ABCG5: variants seen among roughly 807,000 people sequenced by gnomAD.
The protein encoded by ABCG5 is ATP-binding cassette sub-family G member 5.
Under a neutral mutation model 64.5 loss-of-function variants are expected in ABCG5, and 64 were observed. The ratio of observed to expected loss-of-function variants is 0.99; its 90% CI spans 0.81 to 1.22. The LOEUF (loss-of-function observed/expected upper bound fraction) is 1.22. ABCG5 is among the 50% of genes most tolerant of loss of function. The probability of loss-of-function intolerance (pLI) is 0.00; values close to 1 mark genes in which losing one functional copy is unlikely to be tolerated. For missense variants in ABCG5, 908 were observed against 829.5 expected (o/e 1.09, Z -1.16); for synonymous variants, 385 against 326.3 (o/e 1.18, Z -1.94).
chr2:43,809,627 A>G (rs1321596288), downstream of ABCG5: 3 of 931,116 alleles, frequency 3.2e-6, no homozygotes, highest in Non-Finnish European at 5.1e-6. Context: ...TATCTAAAAA[A>G]TGAGAAGGCA....
At chr2:43,808,130 A>G (rs1483688567), downstream of ABCG5, among the ~76,000 whole-genome samples, 1 of 152,204 alleles carries the variant, frequency 6.6e-6, no homozygotes, top group African/African-American at 2.4e-5. Context: ...TTATGAGTTA[A>G]TCTTTAAAAC....
Position 43,826,462 on chromosome 2 carries a change from C to T in ABCG5, c.694G>A (p.Val232Ile), listed in dbSNP as rs141997221. The T allele has an allele frequency of 5.6e-6, 9 of 1,614,058 alleles. No individual in the cohort carries two copies. The African/African-American group carries it at 1.2e-4, about 22-fold the overall frequency. Reference sequence around the variant, plus strand: ...CGAGCCAGTTCCACCAGGAGGACGACAATCTGATTAGCAGTCATGCAGTCC... The same window carrying T: ...CGAGCCAGTTCCACCAGGAGGACGATAATCTGATTAGCAGTCATGCAGTCC... ...GLDCMTANQI[V>I]VLLVELARRN... The change falls in exon 6 of 13, where the codon GTC becomes ATC. Residue 232 changes from valine to isoleucine, a missense_variant. Transcript: ENST00000405322.
At chr2:43,838,986 A>G (rs1668455676), upstream of ABCG5, 6 of 1,488,434 alleles carry the variant, frequency 4.0e-6, no homozygotes, top group Non-Finnish European at 5.5e-6. This position sits in a 1 kb window ranked among gnomAD's most constrained non-coding sequence, Gnocchi z 4.2. Context: ...GAGTGAAGAC[A>G]CTGGCCCTGG....
intron 11 of ABCG5, among the ~76,000 whole-genome samples, chr2:43,814,951 G>C (rs1572740644): frequency 6.6e-6 from 1 of 152,296 alleles, no homozygotes; most frequent in East Asian, 1.9e-4. Context: ...TTTAGGCACA[G>C]CTTGGTGGCC....
intron 11 of ABCG5, among the ~76,000 whole-genome samples, chr2:43,815,918 A>AG (rs1323428247): frequency 6.6e-6 from 1 of 151,454 alleles, no homozygotes; most frequent in African/African-American, 2.4e-5. Flanking sequence ...AAGAAAAAAA[A>AG]AAAAAAAAAG....
At chr2:43,826,715 G>T (rs1667629906) in intron 5 of ABCG5, among the ~76,000 whole-genome samples, 194 bp from the exon 6 acceptor site, 1 of 152,230 alleles carries the variant, frequency 6.6e-6, no homozygotes, top group South Asian at 2.1e-4. Context: ...CTAGTTCCCA[G>T]CTCTGGAGCA....
Position 43,831,815 on chromosome 2 carries a change from G to A in ABCG5, c.455C>T (p.Ala152Val), listed in dbSNP as rs1393741935. 2 of 1,590,086 alleles carry A rather than the reference G, an allele frequency of 1.3e-6. No homozygotes were observed. Among genetic ancestry groups the A allele is most frequent in the African/African-American group, 1.3e-5 (1 of 74,774 alleles). The change falls in exon 4 of 13, where the codon GCG becomes GTG. Residue 152 changes from alanine to valine, a missense_variant. Ala to Val is a moderately conservative substitution (Grantham distance 64). Coordinates refer to ENST00000405322, the MANE Select transcript of ABCG5 (RefSeq NM_022436.3). ...ATTGCCGCGGCGGATGGCCAGCAGC[G>A]CGGTGTAGTGCAGCGTCTCGCGCAC... ...LTVRETLHYT[A>V]LLAIRRGNPG...
chr2:43,838,445 C>T lies in ABCG5; in HGVS notation c.143+92G>A. Reference sequence around the variant, plus strand: ...AAAGAGGGAGCCCGAAGTGCCCAGACTGGCACTTAAAGAGTGAAGAAAGGC... The same window carrying T: ...AAAGAGGGAGCCCGAAGTGCCCAGATTGGCACTTAAAGAGTGAAGAAAGGC... On this transcript the variant is annotated intron_variant, in intron 1 of 12. Transcript: ENST00000405322. This position sits in a 1 kb window ranked among gnomAD's most constrained non-coding sequence, Gnocchi z 4.2. 3.9e-6 allele frequency: 5 copies of T among 1,292,452 alleles called. No homozygotes were observed. Among genetic ancestry groups the T allele is most frequent in the East Asian group, 5.1e-5 (2 of 39,446 alleles). The allele number at this position is 1,292,452 out of a possible 1,614,324, so 80.1% of individuals were successfully genotyped here.
chr2:43,835,383 T>C (rs887199650), intron 2 of ABCG5, among the ~76,000 whole-genome samples: 1 of 152,180 alleles, frequency 6.6e-6, no homozygotes, highest in South Asian at 2.1e-4. Flanking sequence ...TTATAAGGAC[T>C]GCAACAGGTG....
chr2:43,811,057 T>C (rs1306851718), downstream of ABCG5, among the ~76,000 whole-genome samples: 1 of 152,206 alleles, frequency 6.6e-6, no homozygotes, highest in African/African-American at 2.4e-5. Context: ...GTTTCTGAGC[T>C]AGAATGAAAT....
Position 43,824,980 on chromosome 2 carries a change from C to T in ABCG5, c.813G>A (p.Leu271=). The T allele has an allele frequency of 6.2e-7, 1 of 1,614,002 alleles. No homozygotes were observed. Among genetic ancestry groups the T allele is most frequent in the Non-Finnish European group, 8.5e-7 (1 of 1,179,952 alleles). Residue 271 remains leucine, a synonymous_variant, in exon 7 of 13, where the codon CTG becomes CTA. Coordinates refer to ENST00000405322, the MANE Select transcript of ABCG5 (RefSeq NM_022436.3). ...TTTCCGCTGGCGTGCCACAGAAAAT[C>T]AGCTCTCCGAAGCTCAGGATGGCAA... ...DKIAILSFGE[L]IFCGTPAEML...
At chr2:43,826,311 T>C (rs200012400) in intron 6 of ABCG5, 71 bp downstream of exon 6, 1 of 1,608,918 alleles carries the variant, frequency 6.2e-7, no homozygotes, top group Admixed American at 1.7e-5. Context: ...CTGGTACAAA[T>C]CTTGCCCCTG....
At chr2:43,824,184 C>T in intron 8 of ABCG5, 35 bp downstream of exon 8, 1 of 1,614,062 alleles carries the variant, frequency 6.2e-7, no homozygotes, top group African/African-American at 1.3e-5. Context: ...CTAAAGACCT[C>T]TAACAGGCAT....
intron 7 of ABCG5, 51 bp from the exon 8 acceptor site, chr2:43,824,483 T>C: frequency 1.2e-6 from 2 of 1,604,024 alleles, no homozygotes; most frequent in South Asian, 2.2e-5. Context: ...AATGCATGTA[T>C]GTACATGGAT....
At chr2:43,809,559 T>G (rs1426233627), downstream of ABCG5, 5 of 666,786 alleles carry the variant, frequency 7.5e-6, no homozygotes, top group Non-Finnish European at 1.1e-5. Flanking sequence ...CATAATCATT[T>G]ACAAAATAAT....
intron 5 of ABCG5, among the ~76,000 whole-genome samples, 187 bp from the exon 6 acceptor site, chr2:43,826,708 G>C (rs866469872): frequency 4.6e-5 from 7 of 152,234 alleles, no homozygotes; most frequent in African/African-American, 1.7e-4. Flanking sequence ...GAAGGGCCTA[G>C]TTCCCAGCTC....
intron 4 of ABCG5, chr2:43,828,586 C>T (rs1667777669): frequency 3.0e-6 from 1 of 332,892 alleles, no homozygotes; most frequent in Non-Finnish European, 5.7e-6. Context: ...CGCTTGATCC[C>T]AGGACGTTGA....
chr2:43,838,630 A>T lies in ABCG5; in HGVS notation c.50T>A (p.Val17Glu), dbSNP rs72542427. 6.2e-7 allele frequency: 1 copy of T among 1,613,438 alleles called. No individual in the cohort carries two copies. Among genetic ancestry groups the T allele is most frequent in the Non-Finnish European group, 8.5e-7 (1 of 1,179,904 alleles). ...CAGGGAGCTCTGGGAGCCTCTGTTT[A>T]CTTGGAGACCCATGGACCCTCCGGG... The part of the protein sequence containing the change: ...LTPGGSMGLQ[V>E]NRGSQSSLEG... Residue 17 changes from valine (V) to glutamate (E), a missense_variant, in exon 1 of 13, where the codon GTA (valine) becomes GAA (glutamate). Val to Glu is a moderately radical substitution (Grantham distance 121). Transcript: ENST00000405322. The surrounding 1 kb of genome is among the most constrained non-coding windows in gnomAD (Gnocchi z 4.2).
upstream of ABCG5, chr2:43,839,065 G>A (rs1226302403): frequency 2.6e-6 from 4 of 1,551,134 alleles, no homozygotes; most frequent in Admixed American, 7.8e-5. Flanking sequence ...TGGCCGGGAA[G>A]GCGGCAGAGG....
Sources: gnomAD v4.1 joint callset for allele counts (sites outside exome capture counted in the v4.1 genomes callset) on GRCh38, gnomAD v4.1.1 for gene constraint, Gnocchi (gnomAD v3.1) non-coding constraint, MANE v1.5 for transcripts, NCBI Gene and HGNC (gene_info 2026-07-23, HGNC 2026-07-21) for gene names.